DUSP16: variants seen among roughly 807,000 people sequenced by gnomAD.
DUSP16 encodes dual specificity protein phosphatase 16.
DUSP16 carries 21 observed loss-of-function variants against 58.3 expected under a neutral mutation model. The ratio of observed to expected loss-of-function variants is 0.36; its 90% CI spans 0.26 to 0.52. DUSP16 has a LOEUF of 0.52. Among genes scored for constraint, DUSP16 ranks in the 20% least tolerant of loss-of-function variants. DUSP16 has a pLI of 0.94. For synonymous variants in DUSP16, 320 were observed against 323.8 expected, an observed-to-expected ratio of 0.99 and a Z score of 0.12; for missense variants, 726 against 819.0, an observed-to-expected ratio of 0.89 and a Z score of 1.39.
intron 5 of DUSP16, chr12:12,485,367 G>T (rs1027184584): frequency 6.6e-6 from 1 of 152,102 alleles, no homozygotes; most frequent in African/African-American, 2.4e-5. Context: ...TTCACAGAAT[G>T]AATCCTAATT....
At chr12:12,536,640 G>A (rs1442568202) in intron 1 of DUSP16, among the ~76,000 whole-genome samples, 1 of 152,040 alleles carries the variant, frequency 6.6e-6, no homozygotes, top group Non-Finnish European at 1.5e-5. Context: ...AGCTACTCAG[G>A]AAGCTGAGGC....
At chr12:12,512,908 A>C (rs1333765460) in intron 3 of DUSP16, among the ~76,000 whole-genome samples, 1 of 152,208 alleles carries the variant, frequency 6.6e-6, no homozygotes, top group Non-Finnish European at 1.5e-5. Flanking sequence ...TAGATAACAG[A>C]ATTTATGGTA....
chr12:12,525,879 T>C (rs74668382), intron 1 of DUSP16, among the ~76,000 whole-genome samples: 3 of 152,112 alleles, frequency 2.0e-5, no homozygotes, highest in African/African-American at 7.2e-5. Context: ...TGGCCTGTTT[T>C]ATGACATACT....
At chr12:12,493,284 C>T (rs994761580) in intron 4 of DUSP16, among the ~76,000 whole-genome samples, 4 of 152,110 alleles carry the variant, frequency 2.6e-5, no homozygotes, top group African/African-American at 7.2e-5. Flanking sequence ...TTTTCACACA[C>T]CCCTACCATC....
chr12:12,489,949 A>G (rs973426357), intron 4 of DUSP16, among the ~76,000 whole-genome samples: 13 of 152,216 alleles, frequency 8.5e-5, no homozygotes, highest in African/African-American at 3.1e-4. Flanking sequence ...ATTTAAATGG[A>G]CTGTCTCATT....
intron 1 of DUSP16, among the ~76,000 whole-genome samples, chr12:12,537,314 T>G (rs149541546): frequency 0.011 from 1,638 of 152,266 alleles, 26 homozygotes; most frequent in Middle Eastern, 0.017. Flanking sequence ...TGTGAGCAAA[T>G]TTTTAAAAAG....
In DUSP16 at chr12:12,479,652, T is replaced by C. The variant is rs116872849; in HGVS notation, c.815+571A>G. Among the ~76,000 whole-genome samples, 119 of 152,182 alleles carry C rather than the reference T, an allele frequency of 7.8e-4. 1 individual carries two copies. The East Asian group carries it at 0.021, about 26-fold the overall frequency. ...TTCCTTATCAGATAAAAATGAACCA[T>C]CTCTACCCAACGATACATGCAGGGG... On this transcript the variant is annotated intron_variant, in intron 6 of 6. Transcript: ENST00000298573.
chr12:12,507,812 T>A (rs1944019645), intron 3 of DUSP16, among the ~76,000 whole-genome samples: 1 of 152,242 alleles, frequency 6.6e-6, no homozygotes, highest in Admixed American at 6.5e-5. Flanking sequence ...TTTCTCCATG[T>A]TGGTCAGGCT....
chr12:12,521,051 C>T lies in DUSP16; in HGVS notation c.48G>A (p.Val16=), dbSNP rs1232151949. ...IGTQIVTERL[V]ALLESGTEKV... ...TTTCCGTTCCACTTTCCAGCAGAGCCACCAACCTCTCAGTAACAATTTGAG... is the reference window on the plus strand; with the variant it reads ...TTTCCGTTCCACTTTCCAGCAGAGCTACCAACCTCTCAGTAACAATTTGAG... The change falls in exon 2 of 7, where the codon GTG becomes GTA. Residue 16 remains valine, a synonymous_variant. Coordinates refer to ENST00000298573, the MANE Select transcript of DUSP16 (RefSeq NM_030640.3). 1.2e-5 allele frequency: 20 copies of T among 1,614,040 alleles called. No individual in the cohort carries two copies. In the Admixed American group the frequency reaches 3.3e-4, roughly 27 times the overall value.
rs1944919994 is a variant in DUSP16, at chr12:12,562,358, C to T, written c.-607G>A. On this transcript the variant is annotated 5_prime_UTR_variant, in exon 1 of 7. Coordinates refer to ENST00000298573, the MANE Select transcript of DUSP16 (RefSeq NM_030640.3). ...GGCTTAGGAAGAGAGGAGACGCTCG[C>T]AACTTTTCTTCACTCTTTCTCTTCC... 2 of 151,416 alleles carry T rather than the reference C, an allele frequency of 1.3e-5. No homozygotes were observed. The highest frequency in any genetic ancestry group is 2.9e-5 in the Non-Finnish European group (2 of 67,878). 9.4% of individuals were successfully genotyped at this position (151,416 alleles called of 1,614,324 possible). A position where few individuals can be genotyped will look rare whatever the true frequency, so the allele number is the denominator to read the frequency against.
intron 1 of DUSP16, among the ~76,000 whole-genome samples, chr12:12,543,102 GGTT>G (rs1435843536): frequency 6.6e-6 from 1 of 152,274 alleles, no homozygotes; most frequent in East Asian, 1.9e-4. Context: ...CCCAGTCTAA[GGTT>G]GTTATAGCAA....
At position 12,474,794 on chromosome 12, in the gene DUSP16, A is replaced by G. The variant is rs540539289; in HGVS notation, c.*2039T>C. The G allele has an allele frequency of 2.0e-5, 3 of 152,356 alleles. No homozygotes were observed. In the South Asian group the frequency reaches 6.2e-4, roughly 32 times the overall value. The allele number at this position is 152,356 out of a possible 1,614,324, so 9.4% of individuals were successfully genotyped here. ...CTTTCTTAAACATGTTTTGGGCATG[A>G]CCACACTCTGGAAGTGGTGAACTGT... On this transcript the variant is annotated 3_prime_UTR_variant, in exon 7 of 7. Coordinates refer to ENST00000298573, the MANE Select transcript of DUSP16 (RefSeq NM_030640.3).
At chr12:12,542,951 C>T (rs183377407) in intron 1 of DUSP16, among the ~76,000 whole-genome samples, 47 of 152,246 alleles carry the variant, frequency 3.1e-4, no homozygotes, top group Admixed American at 2.7e-3. Flanking sequence ...CCAGAGAGCT[C>T]TCTTTCTTGG....
chr12:12,505,049 CAT>C (rs1294814944), intron 3 of DUSP16, among the ~76,000 whole-genome samples: 3 of 152,206 alleles, frequency 2.0e-5, no homozygotes, highest in Admixed American at 6.5e-5. Flanking sequence ...GCGTGACAAA[CAT>C]TGCTCTAAGC....
chr12:12,500,693 A>G lies in DUSP16; in HGVS notation c.368-11T>C, dbSNP rs1943895973. 1.3e-6 allele frequency: 2 copies of G among 1,541,206 alleles called. No individual in the cohort carries two copies. The highest frequency in any genetic ancestry group is 1.7e-6 in the Non-Finnish European group (2 of 1,150,238). ...ACTCAGCAAACCCACCTAAGAATAAACATTATAAAATTATAAAAAATTATG... is the reference window on the plus strand; with the variant it reads ...ACTCAGCAAACCCACCTAAGAATAAGCATTATAAAATTATAAAAAATTATG... On this transcript the variant is annotated splice_polypyrimidine_tract_variant and intron_variant, in intron 3 of 6. Transcript: ENST00000298573.
At chr12:12,559,788 C>CT (rs1566067954) in intron 1 of DUSP16, among the ~76,000 whole-genome samples, 4 of 152,178 alleles carry the variant, frequency 2.6e-5, no homozygotes, top group African/African-American at 7.2e-5. Context: ...TCAAAACACA[C>CT]TAACACATAA....
At chr12:12,528,235 C>A (rs1016798058) in intron 1 of DUSP16, among the ~76,000 whole-genome samples, 1 of 151,994 alleles carries the variant, frequency 6.6e-6, no homozygotes, top group African/African-American at 2.4e-5. Flanking sequence ...TCCTGGCCCA[C>A]AGGCTCCTTC....
chr12:12,485,546 C>CT (rs1467362047), intron 5 of DUSP16: 1 of 152,132 alleles, frequency 6.6e-6, no homozygotes, highest in Admixed American at 6.6e-5. Context: ...GGGTCTGGCT[C>CT]TACTGCCCAG....
chr12:12,525,731 T>TACACACACACACACACAC (rs35552389), intron 1 of DUSP16, among the ~76,000 whole-genome samples: 5 of 146,080 alleles, frequency 3.4e-5, no homozygotes, highest in Non-Finnish European at 7.5e-5. Context: ...AATATATGTA[T>TACACACACACACACACAC]ACACACACAC....
Sources: allele counts gnomAD v4.1 joint callset (sites outside exome capture counted in the v4.1 genomes callset), GRCh38; gene constraint gnomAD v4.1.1; transcripts MANE v1.5; gene names NCBI Gene and HGNC (gene_info 2026-07-23, HGNC 2026-07-21).